The following NPHP4 variants were observed in gnomAD, a reference collection of about 807,000 sequenced individuals.
The protein encoded by NPHP4 is nephrocystin 4, also known as nephrocystin-4.
Under a neutral mutation model 155.8 loss-of-function variants are expected in NPHP4, and 151 were observed. The ratio of observed to expected loss-of-function variants is 0.97; its 90% CI spans 0.85 to 1.11. The LOEUF (loss-of-function observed/expected upper bound fraction) is 1.11, where lower values mean the gene tolerates loss of function less well. Among genes scored for constraint, NPHP4 ranks in the 50% least tolerant of loss-of-function variants. NPHP4 has a pLI of 0.00. For synonymous variants in NPHP4, 845 were observed against 816.8 expected (o/e 1.03, Z -0.59); for missense variants, 1,956 against 1,925.7 (o/e 1.02, Z -0.29).
intron 16 of NPHP4, among the ~76,000 whole-genome samples, chr1:5,893,292 T>C (rs187811368): frequency 6.6e-6 from 1 of 152,164 alleles, no homozygotes; most frequent in East Asian, 1.9e-4. Flanking sequence ...CTACCACCAA[T>C]GCGCAGAGAC....
intron 21 of NPHP4, 29 bp downstream of exon 21, chr1:5,874,845 G>C (rs756748812): frequency 1.3e-5 from 21 of 1,598,646 alleles, no homozygotes; most frequent in Non-Finnish European, 1.7e-5. Flanking sequence ...ATCTGGGCTG[G>C]GGCAGGACGG....
intron 11 of NPHP4, among the ~76,000 whole-genome samples, chr1:5,923,050 C>T (rs1199508893): frequency 6.6e-6 from 1 of 152,144 alleles, no homozygotes; most frequent in East Asian, 1.9e-4. Flanking sequence ...AAAATAAATG[C>T]AGCGTATGGG....
intron 6 of NPHP4, among the ~76,000 whole-genome samples, chr1:5,956,129 G>A (rs950744406): frequency 1.5e-4 from 22 of 150,848 alleles, no homozygotes; most frequent in African/African-American, 3.9e-4. Flanking sequence ...TTCCCAGACC[G>A]ACTTCCTTTA....
At chr1:5,979,742 G>A (rs1654337443) in intron 2 of NPHP4, among the ~76,000 whole-genome samples, 1 of 151,896 alleles carries the variant, frequency 6.6e-6, no homozygotes, top group African/African-American at 2.4e-5. Flanking sequence ...TTGATCTCCT[G>A]TCCTCAAGTG....
intron 10 of NPHP4, among the ~76,000 whole-genome samples, chr1:5,931,301 A>G (rs114083159): frequency 1.3e-3 from 201 of 152,166 alleles, no homozygotes; most frequent in African/African-American, 4.7e-3. Context: ...GTTCCAAACC[A>G]CTACAATAAA....
chr1:5,863,539 G>T, intron 29 of NPHP4, 134 bp from the exon 30 acceptor site: 1 of 1,068,062 alleles, frequency 9.4e-7, no homozygotes, highest in Non-Finnish European at 1.4e-6. Flanking sequence ...TGCATCCAAG[G>T]CCTGCCTTTG....
intron 16 of NPHP4, among the ~76,000 whole-genome samples, chr1:5,900,059 C>T (rs901482038): frequency 1.3e-5 from 2 of 152,226 alleles, no homozygotes; most frequent in Non-Finnish European, 2.9e-5. Context: ...CCACTGACAA[C>T]ACCAAATGCT....
intron 5 of NPHP4, 70 bp from the exon 6 acceptor site, chr1:5,962,019 T>A: frequency 8.0e-7 from 1 of 1,242,508 alleles, no homozygotes; most frequent in Non-Finnish European, 1.1e-6. Context: ...AACCAGCCAA[T>A]TAACAGAGAA....
chr1:5,925,685 G>A (rs924429152), intron 11 of NPHP4, among the ~76,000 whole-genome samples: 13 of 151,900 alleles, frequency 8.6e-5, no homozygotes, highest in Admixed American at 3.9e-4. Context: ...GCACAATCTC[G>A]GCTCACTGCA....
intron 28 of NPHP4, 75 bp from the exon 29 acceptor site, chr1:5,864,108 C>T: frequency 6.5e-7 from 1 of 1,527,036 alleles, no homozygotes; most frequent in Non-Finnish European, 9.0e-7. Flanking sequence ...CAAGTATTCC[C>T]TGAGTCTCCT....
intron 27 of NPHP4, chr1:5,864,775 T>C (rs1641030174): frequency 5.6e-6 from 3 of 535,574 alleles, no homozygotes; most frequent in East Asian, 5.8e-5. Flanking sequence ...ATCTTGGGCT[T>C]AAAACCCCGG....
intron 10 of NPHP4, among the ~76,000 whole-genome samples, chr1:5,928,538 G>GC (rs142048846): frequency 0.021 from 3,220 of 152,268 alleles, 92 homozygotes; most frequent in African/African-American, 0.07. Flanking sequence ...TGTGAATACA[G>GC]GTTTCATTTC....
chr1:5,872,361 C>T lies in NPHP4; in HGVS notation c.3315+891G>A, dbSNP rs370299932. ...TACGGTCATCCACCTGCAGCCCTTA[C>T]CATTCAGACCTGAGCTAGCAGAGGA... On this transcript the variant is annotated intron_variant, in intron 23 of 29. Coordinates refer to ENST00000378156, the MANE Select transcript of NPHP4 (RefSeq NM_015102.5). Among the ~76,000 whole-genome samples the T allele has an allele frequency of 1.3e-3, 192 of 152,328 alleles. 1 individual carries two copies. The Middle Eastern group carries it at 0.017, about 13-fold the overall frequency.
intron 18 of NPHP4, among the ~76,000 whole-genome samples, chr1:5,883,528 G>A (rs1221902811): frequency 6.6e-6 from 1 of 152,214 alleles, no homozygotes; most frequent in Non-Finnish European, 1.5e-5. Flanking sequence ...CGGGCTGGCA[G>A]TCCTGGCAAG....
At chr1:5,978,628 C>T (rs535416963) in intron 2 of NPHP4, among the ~76,000 whole-genome samples, 2 of 152,240 alleles carry the variant, frequency 1.3e-5, no homozygotes. Context: ...AGACTGCAGT[C>T]CCTTGGAACA....
intron 10 of NPHP4, among the ~76,000 whole-genome samples, chr1:5,932,835 C>T (rs1028057541): frequency 6.6e-6 from 1 of 152,146 alleles, no homozygotes. Flanking sequence ...CCACATGAGG[C>T]CCAAGCTCCA....
At chr1:5,966,298 T>A (rs1651487975) in intron 5 of NPHP4, among the ~76,000 whole-genome samples, 1 of 152,126 alleles carries the variant, frequency 6.6e-6, no homozygotes. Context: ...CAGGCTGGAG[T>A]GCAGTGGTGC....
chr1:5,890,104 C>A lies in NPHP4; in HGVS notation c.2304+764G>T, dbSNP rs1480509481. Reference sequence around the variant, plus strand: ...CAGCTGCTGGAGAGGACAGGAAGCCCCGGGGGTTCAGCCGTGTCAGGAATC... The same window carrying A: ...CAGCTGCTGGAGAGGACAGGAAGCCACGGGGGTTCAGCCGTGTCAGGAATC... On this transcript the variant is annotated intron_variant, in intron 17 of 29. Transcript: ENST00000378156. The surrounding 1 kb of genome is among the most constrained non-coding windows in gnomAD (Gnocchi z 4.9). Among the ~76,000 whole-genome samples the A allele has an allele frequency of 6.6e-6, 1 of 152,112 alleles. No homozygotes were observed. Among genetic ancestry groups the A allele is most frequent in the Non-Finnish European group, 1.5e-5 (1 of 68,012 alleles).
chr1:5,982,706 G>T (rs1283379745), intron 2 of NPHP4, among the ~76,000 whole-genome samples: 3 of 152,118 alleles, frequency 2.0e-5, no homozygotes, highest in Non-Finnish European at 4.4e-5. Context: ...TTCCCTCAAA[G>T]AACTGTATTA....
Sources: gnomAD v4.1 joint callset for allele counts (sites outside exome capture counted in the v4.1 genomes callset) on GRCh38, gnomAD v4.1.1 for gene constraint, Gnocchi (gnomAD v3.1) non-coding constraint, MANE v1.5 for transcripts, NCBI Gene and HGNC (gene_info 2026-07-23, HGNC 2026-07-21) for gene names.